PLA2G6: variants seen among roughly 807,000 people sequenced by gnomAD.
PLA2G6 encodes the protein 85/88 kDa calcium-independent phospholipase A2.
In PLA2G6, 62 loss-of-function variants were observed where a neutral mutation model predicts 83.8. The observed-to-expected ratio is 0.74, with a 90% CI of 0.60 to 0.91. The LOEUF is 0.91. PLA2G6 is among the 40% of genes least tolerant of loss of function. The pLI is 0.00. For synonymous variants in PLA2G6, 417 were observed against 449.8 expected (o/e 0.93, Z 0.92); for missense variants, 944 against 1,102.0 (o/e 0.86, Z 2.03).
In PLA2G6 at chr22:38,126,652, GCT is replaced by G. The variant is rs2145739265; in HGVS notation, c.1349-205_1349-204del. 1.5e-5 allele frequency: 9 copies of G among 599,034 alleles called. No homozygotes were observed. The East Asian group carries it at 2.7e-4, about 18-fold the overall frequency. 37.1% of individuals were successfully genotyped at this position (599,034 alleles called of 1,614,324 possible). On this transcript the variant is annotated intron_variant, in intron 9 of 16. Coordinates refer to ENST00000332509, the MANE Select transcript of PLA2G6 (RefSeq NM_003560.4). ...GCCACAGGCCACAGGAGAGAAATGG[GCT>G]GGAGTGGAAAGGGGGGCCCACTGCT... is the stretch of plus-strand genomic sequence containing the variant.
rs769148122 is a variant in PLA2G6 at position 38,128,359 on chromosome 22, C to G, written c.1258G>C (p.Gly420Arg). Residue 420 changes from glycine to arginine, a missense_variant, in exon 9 of 17, where the codon GGG becomes CGG. Transcript: ENST00000332509. The surrounding 1 kb of genome is among the most constrained non-coding windows in gnomAD (Gnocchi z 4.4). ...GCAGAGCCCTGCTCCGCGGGGACCCCGTGGATGGGTGGGAAGCAGTATTCG... is the reference window on the plus strand; with the variant it reads ...GCAGAGCCCTGCTCCGCGGGGACCCGGTGGATGGGTGGGAAGCAGTATTCG... ...GAEYCFPPIHGVPAEQGSAAP... is the reference protein window; with the variant it reads ...GAEYCFPPIHRVPAEQGSAAP... The G allele has an allele frequency of 6.2e-7, 1 of 1,613,822 alleles. No homozygotes were observed. Among genetic ancestry groups the G allele is most frequent in the Non-Finnish European group, 8.5e-7 (1 of 1,179,988 alleles).
chr22:38,160,549 G>A (rs550509515), intron 2 of PLA2G6, among the ~76,000 whole-genome samples: 1 of 152,324 alleles, frequency 6.6e-6, no homozygotes. Context: ...AAGCCAGATA[G>A]AAAAGCCTTT....
chr22:38,175,382 C>T (rs1051509361), intron 1 of PLA2G6, among the ~76,000 whole-genome samples: 2 of 152,100 alleles, frequency 1.3e-5, no homozygotes, highest in African/African-American at 4.8e-5. Flanking sequence ...TGGCCAGTGG[C>T]GCCCCATGAC....
At chr22:38,162,360 G>A (rs1205520263) in intron 2 of PLA2G6, among the ~76,000 whole-genome samples, 1 of 152,068 alleles carries the variant, frequency 6.6e-6, no homozygotes, top group Non-Finnish European at 1.5e-5. Flanking sequence ...GAGGCAGGAA[G>A]TATAGGTGAA....
intron 2 of PLA2G6, 46 bp downstream of exon 2, chr22:38,169,172 G>C (rs754419192): frequency 1.4e-6 from 2 of 1,432,472 alleles, no homozygotes; most frequent in Admixed American, 1.7e-5. Context: ...TCCGAGACGT[G>C]GGGGAGTGAA....
intron 2 of PLA2G6, among the ~76,000 whole-genome samples, chr22:38,156,984 TA>T (rs1440405925): frequency 1.3e-5 from 2 of 152,076 alleles, no homozygotes; most frequent in African/African-American, 2.4e-5. Context: ...AAAGAAGTAC[TA>T]AGAGGAAAGT....
intron 12 of PLA2G6, among the ~76,000 whole-genome samples, chr22:38,117,462 T>C (rs1176333842): frequency 6.6e-6 from 1 of 152,058 alleles, no homozygotes; most frequent in Non-Finnish European, 1.5e-5. Context: ...CCCAAAGTGC[T>C]GGGATTACAA....
intron 1 of PLA2G6, among the ~76,000 whole-genome samples, chr22:38,175,160 T>G (rs1178968391): frequency 6.6e-6 from 1 of 152,132 alleles, no homozygotes; most frequent in East Asian, 1.9e-4. Context: ...ACTGCTTTTC[T>G]GTAGTGAAAG....
chr22:38,136,320 G>A (rs1283696485), intron 5 of PLA2G6: 1 of 152,242 alleles, frequency 6.6e-6, no homozygotes, highest in African/African-American at 2.4e-5. Context: ...CGGGTGTGGT[G>A]GCTCACGCCT....
In PLA2G6 at chr22:38,120,928, G is replaced by A. The variant is rs760379057; in HGVS notation, c.1592-19C>T. The A allele has an allele frequency of 6.0e-5, 97 of 1,612,138 alleles. No homozygotes were observed. Among genetic ancestry groups the A allele is most frequent in the Non-Finnish European group, 6.9e-5 (82 of 1,179,906 alleles). On this transcript the variant is annotated intron_variant, in intron 11 of 16. Transcript: ENST00000332509. ...GACTTACCTAGGAACAAAGGGGTCA[G>A]AGGCGGGGAGATGCAGCGGCCACAC...
chr22:38,115,629 G>C lies in PLA2G6; in HGVS notation c.1932C>G (p.Phe644Leu). The C allele has an allele frequency of 6.2e-7, 1 of 1,606,302 alleles. No homozygotes were observed. Among genetic ancestry groups the C allele is most frequent in the Non-Finnish European group, 8.5e-7 (1 of 1,177,242 alleles). ...CGTCCAGGAAGCGCCCATTGGGTCG[G>C]AAGTAAGTAGGAGCTGCCCCGCTGC... Reference protein sequence around the residue: ...ARSSGAAPTYFRPNGRFLDGG... With the variant: ...ARSSGAAPTYLRPNGRFLDGG... The change falls in exon 14 of 17, where the codon TTC becomes TTG. Residue 644 changes from phenylalanine (F) to leucine (L), a missense_variant. Physicochemically the swap from Phe to Leu is conservative, Grantham distance 22 (BLOSUM62 0). Transcript: ENST00000332509.
intron 3 of PLA2G6, chr22:38,144,339 T>C (rs2089105517): frequency 6.6e-6 from 1 of 152,374 alleles, no homozygotes; most frequent in Admixed American, 6.6e-5. Flanking sequence ...TCTAGAATGA[T>C]GATACCTGGG....
rs561804537 is a variant in PLA2G6 at position 38,176,277 on chromosome 22, T to A, written c.-46+5387A>T. On this transcript the variant is annotated intron_variant, in intron 1 of 16. Transcript: ENST00000332509. ...GACTCCAAGCCTTCTGCTTCCTTCT[T>A]GACTAAGCCGAGAGCAGAGGAGCCG... Among the ~76,000 whole-genome samples, 12 of 152,216 alleles carry A rather than the reference T, an allele frequency of 7.9e-5. 1 individual carries two copies. Among genetic ancestry groups the A allele is most frequent in the African/African-American group, 2.9e-4 (12 of 41,538 alleles).
At chr22:38,118,832 T>C (rs4821742) in intron 12 of PLA2G6, among the ~76,000 whole-genome samples, 63,415 of 150,580 alleles carry the variant, frequency 0.42, 13,827 homozygotes, top group South Asian at 0.57. Flanking sequence ...CAGCCCACTG[T>C]AGCCTCAGCC....
intron 5 of PLA2G6, chr22:38,137,948 G>A (rs1023369118): frequency 6.6e-6 from 1 of 152,320 alleles, no homozygotes; most frequent in Non-Finnish European, 1.5e-5. Context: ...TTGGAGTAGG[G>A]CTGTGCTGGC....
At chr22:38,179,255 T>C (rs866808333) in intron 1 of PLA2G6, among the ~76,000 whole-genome samples, 1 of 152,194 alleles carries the variant, frequency 6.6e-6, no homozygotes, top group Non-Finnish European at 1.5e-5. Context: ...GGGCCAGGCA[T>C]GTGCCATGAG....
At chr22:38,114,636 G>A (rs2087078584) in intron 14 of PLA2G6, among the ~76,000 whole-genome samples, 4 of 152,272 alleles carry the variant, frequency 2.6e-5, no homozygotes, top group South Asian at 2.1e-4. Flanking sequence ...GGTCTCTGCC[G>A]CCTGCAGGAA....
chr22:38,176,003 A>C (rs2090617346), intron 1 of PLA2G6, among the ~76,000 whole-genome samples: 1 of 152,080 alleles, frequency 6.6e-6, no homozygotes, highest in Non-Finnish European at 1.5e-5. Context: ...CACTGTTCCC[A>C]CCCACTCTGA....
chr22:38,174,182 A>G (rs133010), intron 1 of PLA2G6, among the ~76,000 whole-genome samples: 74,185 of 152,030 alleles, frequency 0.49, 18,697 homozygotes, highest in African/African-American at 0.58. Flanking sequence ...GGATCACGAA[A>G]TCAGGAGATT....
Sources: allele counts gnomAD v4.1 joint callset (sites outside exome capture counted in the v4.1 genomes callset), GRCh38; gene constraint gnomAD v4.1.1; non-coding constraint Gnocchi (gnomAD v3.1); transcripts MANE v1.5; gene names NCBI Gene and HGNC (gene_info 2026-07-23, HGNC 2026-07-21).